Variants in JAKMIP1 observed in about 807,000 individuals in gnomAD.
JAKMIP1 encodes the protein janus kinase and microtubule interacting protein 1.
Under a neutral mutation model 113.0 loss-of-function variants are expected in JAKMIP1, and 33 were observed. The observed-to-expected ratio is 0.29, with a 90% confidence interval of 0.22 to 0.39. The LOEUF is 0.39. Among genes scored for constraint, JAKMIP1 ranks in the 10% least tolerant of loss-of-function variants. The pLI, the probability that JAKMIP1 is intolerant of heterozygous loss-of-function variation, is 1.00. For missense variants in JAKMIP1, 813 were observed against 1,080.5 expected (o/e 0.75, Z 3.47); for synonymous variants, 480 against 459.9 (o/e 1.04, Z -0.56).
In JAKMIP1 at chr4:6,180,458, G is replaced by A. The variant is rs945179222; in HGVS notation, c.-148+19795C>T. 4.6e-5 allele frequency among the ~76,000 whole-genome samples: 7 copies of A among 152,148 alleles called. No homozygotes were observed. The highest frequency in any genetic ancestry group is 3.2e-3 in the Middle Eastern group (1 of 316). ...GAGGTGAGGATAGGCAATGGGGACC[G>A]ATACCTGTGCTACAAGAAGAATTAA... On this transcript the variant is annotated intron_variant, in intron 1 of 20. Coordinates refer to ENST00000409021, the MANE Select transcript of JAKMIP1 (RefSeq NM_001099433.2). This position sits in a 1 kb window ranked among gnomAD's most constrained non-coding sequence, Gnocchi z 4.5.
chr4:6,122,182 TA>T (rs1399184575), intron 1 of JAKMIP1, among the ~76,000 whole-genome samples: 1 of 152,062 alleles, frequency 6.6e-6, no homozygotes, highest in African/African-American at 2.4e-5. Context: ...CCGTCTCTAC[TA>T]AAAGTACAAA....
intron 1 of JAKMIP1, among the ~76,000 whole-genome samples, chr4:6,124,124 G>A (rs1322426559): frequency 1.3e-5 from 2 of 152,186 alleles, no homozygotes; most frequent in African/African-American, 4.8e-5. Flanking sequence ...CCATGGCCCT[G>A]GCCCGGCTGT....
In JAKMIP1 at chr4:6,157,899, G is replaced by GA. The variant is rs1722439508; in HGVS notation, c.-148+42353_-148+42354insT. Among the ~76,000 whole-genome samples the GA allele has an allele frequency of 6.6e-6, 1 of 152,194 alleles. No homozygotes were observed. Among genetic ancestry groups the GA allele is most frequent in the Non-Finnish European group, 1.5e-5 (1 of 68,030 alleles). Reference sequence around the variant, plus strand: ...TTTCCTTGGGCTCTGTTAGAACCAAGGGTGTCTTGCTTTGCATCAGCAGCA... The same window carrying GA: ...TTTCCTTGGGCTCTGTTAGAACCAAGAGGTGTCTTGCTTTGCATCAGCAGCA... On this transcript the variant is annotated intron_variant, in intron 1 of 20. Transcript: ENST00000409021. This position sits in a 1 kb window ranked among gnomAD's most constrained non-coding sequence, Gnocchi z 4.7.
At chr4:6,114,758 T>C (rs1715484661) in intron 1 of JAKMIP1, among the ~76,000 whole-genome samples, 1 of 152,258 alleles carries the variant, frequency 6.6e-6, no homozygotes, top group African/African-American at 2.4e-5. Flanking sequence ...GACTTAGAGC[T>C]TGATACATAA....
At position 6,193,142 on chromosome 4, in the gene JAKMIP1, T is replaced by C. The variant is rs1662937695; in HGVS notation, c.-148+7111A>G. Among the ~76,000 whole-genome samples the C allele has an allele frequency of 1.3e-5, 2 of 152,182 alleles. No individual in the cohort carries two copies. Among genetic ancestry groups the C allele is most frequent in the South Asian group, 2.1e-4 (1 of 4,824 alleles). On this transcript the variant is annotated intron_variant, in intron 1 of 20. Coordinates refer to ENST00000409021, the MANE Select transcript of JAKMIP1 (RefSeq NM_001099433.2). The surrounding 1 kb of genome is among the most constrained non-coding windows in gnomAD (Gnocchi z 6.4). ...CCCATCTTTCTCCCATGCTGGATGC[T>C]TCCTGCCCTCGGACATCAGACTGCA...
chr4:6,082,379 C>CA (rs1720700855), intron 5 of JAKMIP1, among the ~76,000 whole-genome samples: 1 of 151,376 alleles, frequency 6.6e-6, no homozygotes, highest in African/African-American at 2.4e-5. Context: ...ACCGCCCCCC[C>CA]AAAAAAATGC....
At position 6,044,610 on chromosome 4, in the gene JAKMIP1, C is replaced by T. The variant is rs1714755738; in HGVS notation, c.2029-2383G>A. Among the ~76,000 whole-genome samples the T allele has an allele frequency of 6.6e-6, 1 of 151,994 alleles. No individual in the cohort carries two copies. Among genetic ancestry groups the T allele is most frequent in the Non-Finnish European group, 1.5e-5 (1 of 68,028 alleles). ...TTCAGTTTTAATATCCTCATGCAAG[C>T]AGTCATAAAATGAATAAAATTAAAA... On this transcript the variant is annotated intron_variant, in intron 16 of 20. Coordinates refer to ENST00000409021, the MANE Select transcript of JAKMIP1 (RefSeq NM_001099433.2). This position sits in a 1 kb window ranked among gnomAD's most constrained non-coding sequence, Gnocchi z 4.4.
At chr4:6,090,268 G>C (rs1012757606) in intron 3 of JAKMIP1, among the ~76,000 whole-genome samples, 7 of 152,016 alleles carry the variant, frequency 4.6e-5, no homozygotes, top group Admixed American at 1.3e-4. Context: ...AGACATGCAG[G>C]GGAGAAGGCC....
In JAKMIP1 at chr4:6,180,994, C is replaced by T. The variant is rs1725955227; in HGVS notation, c.-148+19259G>A. Among the ~76,000 whole-genome samples the T allele has an allele frequency of 6.6e-6, 1 of 152,138 alleles. No homozygotes were observed. Among genetic ancestry groups the T allele is most frequent in the African/African-American group, 2.4e-5 (1 of 41,426 alleles). ...AAAGGCCCCAGCCATCAGGTCGTTT[C>T]TGTCTCACCTCTGCTGAAATGAGTC... On this transcript the variant is annotated intron_variant, in intron 1 of 20. Coordinates refer to ENST00000409021, the MANE Select transcript of JAKMIP1 (RefSeq NM_001099433.2). This position sits in a 1 kb window ranked among gnomAD's most constrained non-coding sequence, Gnocchi z 4.5.
At chr4:6,073,752 T>C (rs1719299652) in intron 8 of JAKMIP1, among the ~76,000 whole-genome samples, 1 of 152,228 alleles carries the variant, frequency 6.6e-6, no homozygotes, top group Admixed American at 6.5e-5. Context: ...GCCAATCCCA[T>C]CCAGCTAGTA....
intron 20 of JAKMIP1, 125 bp downstream of exon 20, chr4:6,029,591 G>T: frequency 4.4e-6 from 3 of 676,514 alleles, no homozygotes; most frequent in South Asian, 3.6e-5. Context: ...TGATTTAGGG[G>T]AAGAAGGGCA....
chr4:6,027,303 C>T (rs924427760), intron 20 of JAKMIP1, among the ~76,000 whole-genome samples: 4 of 152,094 alleles, frequency 2.6e-5, no homozygotes, highest in Non-Finnish European at 5.9e-5. Flanking sequence ...TTGGAAAAGT[C>T]CAAACTAACA....
intron 1 of JAKMIP1, among the ~76,000 whole-genome samples, chr4:6,165,073 C>G (rs1362698082): frequency 6.6e-6 from 1 of 152,130 alleles, no homozygotes; most frequent in African/African-American, 2.4e-5. Context: ...GTATTGTGTG[C>G]TACAGAGAAA....
At chr4:6,028,874 T>A (rs1373998558) in intron 20 of JAKMIP1, among the ~76,000 whole-genome samples, 1 of 152,236 alleles carries the variant, frequency 6.6e-6, no homozygotes, top group Admixed American at 6.5e-5. Flanking sequence ...TCTGTACTCA[T>A]CTAGAATCAT....
chr4:6,066,768 C>T (rs11731133), intron 8 of JAKMIP1, among the ~76,000 whole-genome samples: 34,210 of 151,968 alleles, frequency 0.23, 4,538 homozygotes, highest in Non-Finnish European at 0.29. Context: ...GTCCCAGCCA[C>T]CAATATCTCT....
chr4:6,068,838 G>A (rs1024574116), intron 8 of JAKMIP1, among the ~76,000 whole-genome samples: 1 of 152,090 alleles, frequency 6.6e-6, no homozygotes, highest in Non-Finnish European at 1.5e-5. Flanking sequence ...CCAAAGTGAT[G>A]GGATCACAGG....
At chr4:6,072,060 T>C (rs1240099017) in intron 8 of JAKMIP1, among the ~76,000 whole-genome samples, 1 of 152,216 alleles carries the variant, frequency 6.6e-6, no homozygotes, top group Non-Finnish European at 1.5e-5. Context: ...AGAGAAAAGG[T>C]TAAGCATCTC....
rs1578176440 is a variant in JAKMIP1, at chr4:6,080,431, G to C, written c.1102-119C>G. On this transcript the variant is annotated intron_variant, in intron 6 of 20. Transcript: ENST00000409021. The surrounding 1 kb of genome is among the most constrained non-coding windows in gnomAD (Gnocchi z 6.0). ...GAAGGATGGATGGGAGGATGAAAGA[G>C]ATGATGGCCTGATATGGTTTGGCTG... 1 of 1,221,252 alleles carries C rather than the reference G, an allele frequency of 8.2e-7. No homozygotes were observed. Among genetic ancestry groups the C allele is most frequent in the Non-Finnish European group, 1.1e-6 (1 of 876,910 alleles). 75.7% of individuals were successfully genotyped at this position (1,221,252 alleles called of 1,614,324 possible).
intron 1 of JAKMIP1, among the ~76,000 whole-genome samples, chr4:6,121,878 C>G (rs553208951): frequency 6.6e-6 from 1 of 152,370 alleles, no homozygotes; most frequent in South Asian, 2.1e-4. Flanking sequence ...GGGCATCACT[C>G]TGCCAGCTCT....
Sources: allele counts gnomAD v4.1 joint callset (sites outside exome capture counted in the v4.1 genomes callset), GRCh38; gene constraint gnomAD v4.1.1; non-coding constraint Gnocchi (gnomAD v3.1); transcripts MANE v1.5; gene names NCBI Gene and HGNC (gene_info 2026-07-23, HGNC 2026-07-21).